The following ROR2 variants were observed in gnomAD, a reference collection of about 807,000 sequenced individuals.
ROR2 encodes the protein ROR family WNT receptor 2.
A neutral mutation model predicts 74.9 loss-of-function variants in ROR2; 33 were observed. That is an observed-to-expected ratio of 0.44 (90% confidence interval 0.33 to 0.59). The LOEUF (loss-of-function observed/expected upper bound fraction) is 0.59, where lower values mean the gene tolerates loss of function less well. Ranked by LOEUF, ROR2 falls within the 20% of genes least tolerant of loss-of-function variation. The probability of loss-of-function intolerance (pLI) is 0.02; values close to 1 mark genes in which losing one functional copy is unlikely to be tolerated. For missense variants in ROR2, 1,216 were observed against 1,313.8 expected (o/e 0.93, Z 1.15); for synonymous variants, 586 against 558.7 (o/e 1.05, Z -0.69).
chr9:91,768,371 C>A (rs766038873), intron 2 of ROR2, among the ~76,000 whole-genome samples: 31 of 151,930 alleles, frequency 2.0e-4, no homozygotes, highest in Admixed American at 2.0e-3. Context: ...AAAGTTAAGA[C>A]CTACACACAG....
At chr9:91,857,442 C>T (rs991843363) in intron 1 of ROR2, among the ~76,000 whole-genome samples, 1 of 152,172 alleles carries the variant, frequency 6.6e-6, no homozygotes, top group Non-Finnish European at 1.5e-5. Context: ...TGAGCAACTG[C>T]GACCAGCATG....
intron 1 of ROR2, among the ~76,000 whole-genome samples, chr9:91,880,162 A>G (rs1278233459): frequency 6.6e-6 from 1 of 152,052 alleles, no homozygotes; most frequent in East Asian, 1.9e-4. Context: ...TTGTGTCCTT[A>G]TAAGAAAAAA....
rs552335321 is a variant in ROR2 at position 91,747,792 on chromosome 9, G to A, written c.494+8279C>T. On this transcript the variant is annotated intron_variant, in intron 4 of 8. Coordinates refer to ENST00000375708, the MANE Select transcript of ROR2 (RefSeq NM_004560.4). ...CTACTGAAACAGAATCAGGGTCACT[G>A]GGGAAAAGAAACTCATGGCTGCAGA... Among the ~76,000 whole-genome samples, 6 of 152,260 alleles carry A rather than the reference G, an allele frequency of 3.9e-5. No homozygotes were observed. In the East Asian group the frequency reaches 7.7e-4, roughly 20 times the overall value.
chr9:91,857,436 C>T (rs959318083), intron 1 of ROR2, among the ~76,000 whole-genome samples: 1 of 152,186 alleles, frequency 6.6e-6, no homozygotes, highest in Non-Finnish European at 1.5e-5. Flanking sequence ...CCTTTATGAG[C>T]AACTGCGACC....
intron 1 of ROR2, among the ~76,000 whole-genome samples, chr9:91,856,520 C>T (rs1829293223): frequency 6.6e-6 from 1 of 152,172 alleles, no homozygotes; most frequent in Non-Finnish European, 1.5e-5. Flanking sequence ...CCTACCCCAA[C>T]CTGACTGGTG....
chr9:91,928,956 A>G (rs1831479470), intron 1 of ROR2, among the ~76,000 whole-genome samples: 1 of 152,268 alleles, frequency 6.6e-6, no homozygotes, highest in African/African-American at 2.4e-5. Flanking sequence ...GGTGTTGAAT[A>G]GAAAGACTGG....
At chr9:91,766,294 T>C (rs1826056463) in intron 2 of ROR2, among the ~76,000 whole-genome samples, 1 of 152,222 alleles carries the variant, frequency 6.6e-6, no homozygotes, top group Admixed American at 6.5e-5. Flanking sequence ...AATTGGGCTG[T>C]TCTCCAAAGC....
chr9:91,727,510 T>C (rs866030175), intron 7 of ROR2, among the ~76,000 whole-genome samples: 2 of 152,074 alleles, frequency 1.3e-5, no homozygotes, highest in Non-Finnish European at 2.9e-5. Flanking sequence ...CCTCAGATTC[T>C]GAGCAGGACT....
At chr9:91,909,786 C>A (rs149069696) in intron 1 of ROR2, among the ~76,000 whole-genome samples, 1 of 139,364 alleles carries the variant, frequency 7.2e-6, no homozygotes, top group Non-Finnish European at 1.5e-5. Flanking sequence ...TTCTTCAAAT[C>A]ATTAGCTATT....
At chr9:91,906,056 A>C (rs1463864607) in intron 1 of ROR2, among the ~76,000 whole-genome samples, 4 of 151,746 alleles carry the variant, frequency 2.6e-5, no homozygotes, top group African/African-American at 9.7e-5. Flanking sequence ...CTGAGCAGGC[A>C]TAATAAAGTT....
intron 1 of ROR2, among the ~76,000 whole-genome samples, chr9:91,857,561 G>A (rs1829332590): frequency 6.6e-6 from 1 of 152,206 alleles, no homozygotes; most frequent in African/African-American, 2.4e-5. Context: ...TAAATCCAGG[G>A]CCTGTGTGCA....
chr9:91,886,915 A>T (rs1179880288), intron 1 of ROR2: 3 of 152,234 alleles, frequency 2.0e-5, no homozygotes, highest in Non-Finnish European at 4.4e-5. Context: ...ATACAGACCC[A>T]GAAGGGACTC....
At chr9:91,727,069 C>T (rs928813679) in intron 7 of ROR2, among the ~76,000 whole-genome samples, 1 of 152,190 alleles carries the variant, frequency 6.6e-6, no homozygotes, top group South Asian at 2.1e-4. Context: ...TGAATACCAT[C>T]GGAGATAGGT....
rs1473798756 is a variant in ROR2, at chr9:91,738,041, G to A, written c.495-523C>T. Among the ~76,000 whole-genome samples the A allele has an allele frequency of 2.6e-5, 4 of 152,288 alleles. No homozygotes were observed. The East Asian group carries it at 7.7e-4, about 29-fold the overall frequency. On this transcript the variant is annotated intron_variant, in intron 4 of 8. Coordinates refer to ENST00000375708, the MANE Select transcript of ROR2 (RefSeq NM_004560.4). The stretch of plus-strand genomic sequence containing the variant: ...TCCAAGAGACACACTGGGGTTTTAG[G>A]GCAGTGAAATATTCTGTATGATACT...
Position 91,878,564 on chromosome 9 carries a change from C to T in ROR2, c.97+71303G>A, listed in dbSNP as rs149935702. Among the ~76,000 whole-genome samples, 16 of 152,332 alleles carry T rather than the reference C, an allele frequency of 1.1e-4. No individual in the cohort carries two copies. The East Asian group carries it at 2.7e-3, about 26-fold the overall frequency. On this transcript the variant is annotated intron_variant, in intron 1 of 8. Coordinates refer to ENST00000375708, the MANE Select transcript of ROR2 (RefSeq NM_004560.4). ...TATTCATTGTCAGTAATCCCAGAAGCTCCCCCCTTGCACATCCAGTGCCTG... is the reference window on the plus strand; with the variant it reads ...TATTCATTGTCAGTAATCCCAGAAGTTCCCCCCTTGCACATCCAGTGCCTG...
At position 91,775,811 on chromosome 9, in the gene ROR2, C is replaced by T. The variant is rs1355173986; in HGVS notation, c.105G>A (p.Val35=). The T allele has an allele frequency of 6.2e-7, 1 of 1,614,142 alleles. No homozygotes were observed. Among genetic ancestry groups the T allele is most frequent in the Admixed American group, 1.7e-5 (1 of 60,014 alleles). Residue 35 remains valine, a synonymous_variant, in exon 2 of 9, where the codon GTG becomes GTA. Coordinates refer to ENST00000375708, the MANE Select transcript of ROR2 (RefSeq NM_004560.4). The part of the protein sequence containing the change: ...LLSVSRTSGE[V]EVLDPNDPLG... ...AAGGGTCGTTCGGATCCAGAACCTCCACTTCACCTGGGAAAAAGAAACCAG... is the reference window on the plus strand; with the variant it reads ...AAGGGTCGTTCGGATCCAGAACCTCTACTTCACCTGGGAAAAAGAAACCAG...
At chr9:91,751,565 A>ATATATTAAATATATTAACACAAAAT (rs1314170752) in intron 4 of ROR2, among the ~76,000 whole-genome samples, 2 of 152,234 alleles carry the variant, frequency 1.3e-5, no homozygotes, top group African/African-American at 2.4e-5. Flanking sequence ...ATAACCTTAA[A>ATATATTAAATATATTAACACAAAAT]ATACACACAA....
At chr9:91,837,874 G>A (rs766775928) in intron 1 of ROR2, among the ~76,000 whole-genome samples, 2 of 152,072 alleles carry the variant, frequency 1.3e-5, no homozygotes, top group Non-Finnish European at 1.5e-5. Flanking sequence ...AGGCTACAGC[G>A]CCACGTGTTC....
chr9:91,887,458 C>T (rs1830313730), intron 1 of ROR2, among the ~76,000 whole-genome samples: 1 of 152,196 alleles, frequency 6.6e-6, no homozygotes, highest in South Asian at 2.1e-4. Flanking sequence ...ATTTCCTGCT[C>T]AATGCTAAGC....
Sources: allele counts gnomAD v4.1 joint callset (sites outside exome capture counted in the v4.1 genomes callset), GRCh38; gene constraint gnomAD v4.1.1; transcripts MANE v1.5; gene names NCBI Gene and HGNC (gene_info 2026-07-23, HGNC 2026-07-21).